Variants in PDE1B observed in about 807,000 individuals in gnomAD.
PDE1B encodes dual specificity calcium/calmodulin-dependent 3',5'-cyclic nucleotide phosphodiesterase 1B.
In PDE1B, 13 loss-of-function variants were observed where a neutral mutation model predicts 66.7. The observed-to-expected ratio is 0.19, with a 90% CI of 0.13 to 0.31. The LOEUF is 0.31. Among genes scored for constraint, PDE1B ranks in the 10% least tolerant of loss-of-function variants. The pLI, the probability that PDE1B is intolerant of heterozygous loss-of-function variation, is 1.00. For missense variants in PDE1B, 485 were observed against 682.3 expected, an observed-to-expected ratio of 0.71 and a Z score of 3.22; for synonymous variants, 230 against 253.9, an observed-to-expected ratio of 0.91 and a Z score of 0.90.
Position 54,578,816 on chromosome 12 carries a change from T to A in PDE1B, c.*974T>A, listed in dbSNP as rs1361093942. 1 of 152,330 alleles carries A rather than the reference T, an allele frequency of 6.6e-6. No homozygotes were observed. Among genetic ancestry groups the A allele is most frequent in the Non-Finnish European group, 1.5e-5 (1 of 68,204 alleles). The allele number at this position is 152,330 out of a possible 1,614,324, so 9.4% of individuals were successfully genotyped here. A position where few individuals can be genotyped will look rare whatever the true frequency, so the allele number is the denominator to read the frequency against. On this transcript the variant is annotated 3_prime_UTR_variant, in exon 16 of 16. Transcript: ENST00000243052. ...AAAAGAGAGGGTCTGTCCCCTCCTC[T>A]CCACGTCCCAGAACTGGCCCAGCTG...
intron 3 of PDE1B, 33 bp downstream of exon 3, chr12:54,567,120 G>T (rs984087679): frequency 1.8e-6 from 2 of 1,124,950 alleles, no homozygotes; most frequent in Non-Finnish European, 2.7e-6. Context: ...GAAGGAGAAA[G>T]ATGTCAGACA....
chr12:54,554,029 T>C (rs1027313208), intron 2 of PDE1B, among the ~76,000 whole-genome samples: 2 of 152,188 alleles, frequency 1.3e-5, no homozygotes, highest in African/African-American at 4.8e-5. Flanking sequence ...TACCTGAAAT[T>C]GTCCTAGTTA....
At chr12:54,558,761 G>A (rs1005191640) in intron 2 of PDE1B, among the ~76,000 whole-genome samples, 9 of 152,228 alleles carry the variant, frequency 5.9e-5, no homozygotes, top group Non-Finnish European at 8.8e-5. Context: ...GGCCTGGATG[G>A]AAAGTCAGGG....
At chr12:54,567,526 A>T (rs929698126) in intron 3 of PDE1B, among the ~76,000 whole-genome samples, 1 of 142,044 alleles carries the variant, frequency 7.0e-6, no homozygotes, top group Admixed American at 7.0e-5. Context: ...TAAATAAATA[A>T]ATAAAAAAAA....
chr12:54,567,432 G>A (rs1189611299), intron 3 of PDE1B, among the ~76,000 whole-genome samples: 2 of 152,012 alleles, frequency 1.3e-5, no homozygotes, highest in Non-Finnish European at 2.9e-5. Context: ...GAGCCCAGGA[G>A]GCAGAGGTTG....
In PDE1B at chr12:54,565,083, C is replaced by T. The variant is rs370817833; in HGVS notation, c.114-1891C>T. ...TTATGCAAATACATGCAAATGAGTG[C>T]CGTGGGTGTGGCTGCTCACTTTGGG... On this transcript the variant is annotated intron_variant, in intron 2 of 15. Coordinates refer to ENST00000243052, the MANE Select transcript of PDE1B (RefSeq NM_000924.4). Among the ~76,000 whole-genome samples, 95 of 152,262 alleles carry T rather than the reference C, an allele frequency of 6.2e-4. 2 individuals carry two copies. In the South Asian group the frequency reaches 0.016, roughly 26 times the overall value.
chr12:54,561,091 G>GACCC (rs1356788250), intron 2 of PDE1B, among the ~76,000 whole-genome samples: 1 of 152,108 alleles, frequency 6.6e-6, no homozygotes, highest in Non-Finnish European at 1.5e-5. Flanking sequence ...CCCAGAAAAA[G>GACCC]ACCCTGAAAG....
intron 2 of PDE1B, chr12:54,561,390 G>T: frequency 9.0e-7 from 1 of 1,109,488 alleles, no homozygotes; most frequent in Non-Finnish European, 1.2e-6. Context: ...GTTCCGGTAG[G>T]CTGGGTCTCT....
intron 2 of PDE1B, among the ~76,000 whole-genome samples, chr12:54,553,967 T>A (rs1041129834): frequency 6.6e-6 from 1 of 152,232 alleles, no homozygotes; most frequent in Non-Finnish European, 1.5e-5. Context: ...TCTGTTTTTA[T>A]AAGTGGCATG....
chr12:54,569,462 A>G lies in PDE1B; in HGVS notation c.411-84A>G, dbSNP rs779606902. On this transcript the variant is annotated intron_variant, in intron 4 of 15. Transcript: ENST00000243052. The surrounding 1 kb of genome is among the most constrained non-coding windows in gnomAD (Gnocchi z 4.4). ...CCATGACCACCAGCCATATGATCCC[A>G]TGGCTCATCCCCACATCCCCAGCTG... The G allele has an allele frequency of 5.0e-6, 8 of 1,585,930 alleles. No individual in the cohort carries two copies. Among genetic ancestry groups the G allele is most frequent in the African/African-American group, 2.7e-5 (2 of 74,282 alleles).
chr12:54,559,191 C>G (rs1005284961), intron 2 of PDE1B, among the ~76,000 whole-genome samples: 1 of 151,962 alleles, frequency 6.6e-6, no homozygotes, highest in Non-Finnish European at 1.5e-5. Flanking sequence ...TTGAAGTCAG[C>G]CAGTGAATCC....
At position 54,575,229 on chromosome 12, in the gene PDE1B, A is replaced by C. The variant is rs776978083; in HGVS notation, c.1185+11A>C. The C allele has an allele frequency of 1.2e-6, 2 of 1,612,496 alleles. No individual in the cohort carries two copies. Among genetic ancestry groups the C allele is most frequent in the East Asian group, 4.5e-5 (2 of 44,824 alleles). ...GAATTCTTCCGTCAGGTAGCGTGGC[A>C]TCTTTGCCTTCCCTGTGCCTATGGG... On this transcript the variant is annotated intron_variant, in intron 11 of 15. Transcript: ENST00000243052. This position sits in a 1 kb window ranked among gnomAD's most constrained non-coding sequence, Gnocchi z 4.0.
rs11170978 is a variant in PDE1B at position 54,578,410 on chromosome 12, C to T, written c.*568C>T. The T allele has an allele frequency of 0.2, 30,030 of 151,934 alleles. 3,474 individuals are homozygous for T. Among genetic ancestry groups the T allele is most frequent in the Non-Finnish European group, 0.27 (18,491 of 67,938 alleles). The allele number at this position is 151,934 out of a possible 1,614,324, so 9.4% of individuals were successfully genotyped here. ...TTCAGGGCATGGTACCTTTCTAGGA[C>T]CTGGGAATGGGGTGGAGAGGACATC... On this transcript the variant is annotated 3_prime_UTR_variant, in exon 16 of 16. Coordinates refer to ENST00000243052, the MANE Select transcript of PDE1B (RefSeq NM_000924.4).
intron 3 of PDE1B, among the ~76,000 whole-genome samples, chr12:54,567,845 C>CATAT (rs150162811): frequency 4.8e-4 from 70 of 145,948 alleles, no homozygotes; most frequent in African/African-American, 1.6e-3. Flanking sequence ...GTAAGATATT[C>CATAT]ATATATATAT....
intron 2 of PDE1B, among the ~76,000 whole-genome samples, chr12:54,564,716 A>G (rs1957482774): frequency 6.6e-6 from 1 of 152,158 alleles, no homozygotes. Flanking sequence ...CAGCTGTGGA[A>G]TGAGACCTAG....
intron 2 of PDE1B, among the ~76,000 whole-genome samples, chr12:54,557,071 T>C (rs1374089296): frequency 6.6e-6 from 1 of 152,190 alleles, no homozygotes; most frequent in Admixed American, 6.5e-5. Context: ...TGGAAACTTC[T>C]TGTGGCCTGG....
intron 2 of PDE1B, among the ~76,000 whole-genome samples, chr12:54,557,995 G>A (rs1050540011): frequency 2.0e-5 from 3 of 152,194 alleles, no homozygotes; most frequent in Non-Finnish European, 4.4e-5. Flanking sequence ...TCTTGGCTGG[G>A]AGCTGGGACA....
chr12:54,569,281 G>GC lies in PDE1B; in HGVS notation c.328dup (p.Arg110ProfsTer58), dbSNP rs772488653. 1 of 1,614,046 alleles carries GC rather than the reference G, an allele frequency of 6.2e-7. No individual in the cohort carries two copies. Among genetic ancestry groups the GC allele is most frequent in the African/African-American group, 1.3e-5 (1 of 75,052 alleles). On this transcript the variant is annotated frameshift_variant, in exon 4 of 16. Transcript: ENST00000243052. LOFTEE classifies it high-confidence loss of function. This position sits in a 1 kb window ranked among gnomAD's most constrained non-coding sequence, Gnocchi z 4.4. ...GCTGGCCTCCACCTTCACCCAGCAG[G>GC]CCCGGGCCAAAGGCCGCCGAGCAGA...
Position 54,575,681 on chromosome 12 carries a change from T to G in PDE1B, c.1267+49T>G. ...GGGGAGGACTGGGAGGGGGAAAAGATGCTGCCTGGGTCAGGATTGCTCCAA... is the reference window on the plus strand; with the variant it reads ...GGGGAGGACTGGGAGGGGGAAAAGAGGCTGCCTGGGTCAGGATTGCTCCAA... On this transcript the variant is annotated intron_variant, in intron 12 of 15. Coordinates refer to ENST00000243052, the MANE Select transcript of PDE1B (RefSeq NM_000924.4). The surrounding 1 kb of genome is among the most constrained non-coding windows in gnomAD (Gnocchi z 4.0). The G allele has an allele frequency of 7.6e-7, 1 of 1,308,476 alleles. No homozygotes were observed. Among genetic ancestry groups the G allele is most frequent in the Non-Finnish European group, 1.1e-6 (1 of 908,678 alleles). The allele number at this position is 1,308,476 out of a possible 1,614,324, so 81.1% of individuals were successfully genotyped here.
Sources: allele counts gnomAD v4.1 joint callset (sites outside exome capture counted in the v4.1 genomes callset), GRCh38; gene constraint gnomAD v4.1.1; non-coding constraint Gnocchi (gnomAD v3.1); transcripts MANE v1.5; gene names NCBI Gene and HGNC (gene_info 2026-07-23, HGNC 2026-07-21).